CTNNAL1: variants seen among roughly 807,000 people sequenced by gnomAD.
The protein encoded by CTNNAL1 is catenin alpha like 1, also known as alpha-catulin.
Under a neutral mutation model 93.6 loss-of-function variants are expected in CTNNAL1, and 69 were observed. The observed-to-expected ratio is 0.74, with a 90% CI of 0.61 to 0.90. CTNNAL1 has a LOEUF of 0.90. Ranked by LOEUF, CTNNAL1 falls within the 40% of genes least tolerant of loss-of-function variation. The pLI is 0.00. For synonymous variants in CTNNAL1, 286 were observed against 305.4 expected (o/e 0.94, Z 0.66); for missense variants, 836 against 862.0 (o/e 0.97, Z 0.38).
Position 109,013,443 on chromosome 9 carries a change from G to A in CTNNAL1, c.-1C>T, listed in dbSNP as rs1440102844. 6.8e-7 allele frequency: 1 copy of A among 1,467,528 alleles called. No individual in the cohort carries two copies. 90.9% of individuals were successfully genotyped at this position (1,467,528 alleles called of 1,614,324 possible). ...CGGCGGGTCCGGGAGAGGCGGCCAT[G>A]GCCCTCGGTCTATCCCGCAGCCGGG... On this transcript the variant is annotated 5_prime_UTR_variant, in exon 1 of 19. Coordinates refer to ENST00000325551, the MANE Select transcript of CTNNAL1 (RefSeq NM_003798.4).
intron 1 of CTNNAL1, among the ~76,000 whole-genome samples, chr9:109,011,966 G>C (rs947651586): frequency 6.6e-6 from 1 of 152,176 alleles, no homozygotes; most frequent in Non-Finnish European, 1.5e-5. Flanking sequence ...AGTGTTTCTC[G>C]TTTTGGTTGT....
chr9:108,985,023 C>T (rs548882008), intron 4 of CTNNAL1, among the ~76,000 whole-genome samples: 3 of 152,186 alleles, frequency 2.0e-5, no homozygotes. Flanking sequence ...CCTAAGAAAG[C>T]ACTGTGTATT....
intron 5 of CTNNAL1, 107 bp from the exon 6 acceptor site, chr9:108,983,422 T>C: frequency 8.1e-7 from 1 of 1,231,762 alleles, no homozygotes; most frequent in Non-Finnish European, 1.0e-6. Context: ...TTTACCAAAA[T>C]CTCCTGGGTC....
Position 108,943,054 on chromosome 9 carries a change from C to A in CTNNAL1, c.2056-10G>T. ...TAATACACTTGTCAACCTACAATGA[C>A]AAAAAGCATGCAAATGATATTCTAA... On this transcript the variant is annotated splice_polypyrimidine_tract_variant and intron_variant, in intron 17 of 18. Coordinates refer to ENST00000325551, the MANE Select transcript of CTNNAL1 (RefSeq NM_003798.4). The A allele has an allele frequency of 6.3e-7, 1 of 1,598,484 alleles. No individual in the cohort carries two copies. Among genetic ancestry groups the A allele is most frequent in the African/African-American group, 1.3e-5 (1 of 74,076 alleles).
chr9:108,970,303 C>T (rs1831074073), intron 10 of CTNNAL1, 99 bp downstream of exon 10: 3 of 1,014,654 alleles, frequency 3.0e-6, no homozygotes, highest in Non-Finnish European at 4.1e-6. Flanking sequence ...TATATTTGGA[C>T]TCTAGTTATG....
chr9:108,946,246 C>T (rs1830400687), intron 15 of CTNNAL1, among the ~76,000 whole-genome samples: 2 of 151,592 alleles, frequency 1.3e-5, no homozygotes, highest in South Asian at 4.2e-4. Context: ...CTGTAGTGAG[C>T]CGAGATCGTG....
intron 12 of CTNNAL1, among the ~76,000 whole-genome samples, chr9:108,953,799 T>C (rs1179945918): frequency 2.0e-5 from 3 of 150,006 alleles, no homozygotes; most frequent in Non-Finnish European, 4.5e-5. Flanking sequence ...AAAGGAACTC[T>C]TGTTACACAC....
At chr9:108,968,529 T>C (rs1831021206) in intron 10 of CTNNAL1, among the ~76,000 whole-genome samples, 1 of 152,232 alleles carries the variant, frequency 6.6e-6, no homozygotes, top group Non-Finnish European at 1.5e-5. Context: ...CCAGTTCTAT[T>C]GGAATACTTT....
chr9:108,992,895 T>C (rs113334862), intron 2 of CTNNAL1, 76 bp from the exon 3 acceptor site: 22 of 1,444,548 alleles, frequency 1.5e-5, no homozygotes, highest in Middle Eastern at 1.8e-4. Context: ...ACCTTGAAGG[T>C]AAGGCACAAT....
chr9:108,980,886 T>C (rs1831407652), intron 6 of CTNNAL1, among the ~76,000 whole-genome samples: 1 of 152,208 alleles, frequency 6.6e-6, no homozygotes, highest in Non-Finnish European at 1.5e-5. Context: ...GGGGTTTTTT[T>C]AAAGAGGCTA....
intron 8 of CTNNAL1, among the ~76,000 whole-genome samples, chr9:108,975,046 C>G (rs1022320300): frequency 6.6e-6 from 1 of 151,956 alleles, no homozygotes; most frequent in Non-Finnish European, 1.5e-5. Flanking sequence ...ATCTGTAATC[C>G]CAGCTACTCG....
At chr9:109,007,830 T>C (rs956766158) in intron 1 of CTNNAL1, among the ~76,000 whole-genome samples, 3 of 152,218 alleles carry the variant, frequency 2.0e-5, no homozygotes, top group Non-Finnish European at 4.4e-5. Flanking sequence ...TATCACTCTC[T>C]TGTCCCAAAA....
At chr9:108,999,796 A>G (rs1448656317) in intron 1 of CTNNAL1, among the ~76,000 whole-genome samples, 1 of 152,228 alleles carries the variant, frequency 6.6e-6, no homozygotes, top group East Asian at 1.9e-4. Context: ...GTTTTGTTGC[A>G]TCCGACTCAA....
At chr9:108,952,551 A>T in intron 12 of CTNNAL1, 57 bp from the exon 13 acceptor site, 3 of 1,597,586 alleles carry the variant, frequency 1.9e-6, no homozygotes, top group Non-Finnish European at 2.6e-6. Flanking sequence ...AACTGTAAGG[A>T]AATACAATAG....
intron 14 of CTNNAL1, among the ~76,000 whole-genome samples, chr9:108,950,932 T>TACCAGCTCCCA (rs1422729701): frequency 6.6e-6 from 1 of 152,168 alleles, no homozygotes; most frequent in Non-Finnish European, 1.5e-5. Flanking sequence ...ATATAAATGT[T>TACCAGCTCCCA]ACCAGCTCCC....
chr9:109,007,583 A>T (rs1458172251), intron 1 of CTNNAL1, among the ~76,000 whole-genome samples: 1 of 152,228 alleles, frequency 6.6e-6, no homozygotes, highest in Non-Finnish European at 1.5e-5. Context: ...GACAGGAAGA[A>T]TAAAGTGATT....
chr9:108,972,864 G>GGCCCCCCCCCCCCCCCCCC, intron 8 of CTNNAL1, 31 bp from the exon 9 acceptor site: 1 of 142,588 alleles, frequency 7.0e-6, no homozygotes. Flanking sequence ...GGGGGGGTGG[G>GGCCCCCCCCCCCCCCCCCC]AGGGTGGAGA....
intron 7 of CTNNAL1, 77 bp downstream of exon 7, chr9:108,979,204 G>A (rs1831349612): frequency 3.2e-6 from 5 of 1,544,158 alleles, no homozygotes; most frequent in Non-Finnish European, 4.4e-6. Context: ...TGGTGATTAT[G>A]TAACTTCCAT....
At chr9:108,950,097 A>G (rs1328144262) in intron 14 of CTNNAL1, among the ~76,000 whole-genome samples, 4 of 152,058 alleles carry the variant, frequency 2.6e-5, no homozygotes, top group Non-Finnish European at 5.9e-5. Context: ...ATATCAAACT[A>G]TATTCATTAA....
Sources: gnomAD v4.1 joint callset for allele counts (sites outside exome capture counted in the v4.1 genomes callset) on GRCh38, gnomAD v4.1.1 for gene constraint, MANE v1.5 for transcripts, NCBI Gene and HGNC (gene_info 2026-07-23, HGNC 2026-07-21) for gene names.